WDPCP: variants seen among roughly 807,000 people sequenced by gnomAD.
The protein encoded by WDPCP is WD repeat-containing and planar cell polarity effector protein fritz homolog.
In WDPCP, 71 loss-of-function variants were observed where a neutral mutation model predicts 93.1. The ratio of observed to expected loss-of-function variants is 0.76; its 90% confidence interval spans 0.63 to 0.93. The LOEUF is 0.93. Ranked by LOEUF, WDPCP falls within the 40% of genes least tolerant of loss-of-function variation. The probability of loss-of-function intolerance (pLI) is 0.00; values close to 1 mark genes in which losing one functional copy is unlikely to be tolerated. For synonymous variants in WDPCP, 315 were observed against 315.0 expected (o/e 1.00, Z 0.00); for missense variants, 844 against 887.4 (o/e 0.95, Z 0.62).
At position 63,487,489 on chromosome 2, in the gene WDPCP, C is replaced by G. The variant is rs375016562; in HGVS notation, c.166G>C (p.Asp56His). Residue 56 changes from aspartate to histidine, a missense_variant, in exon 3 of 18, where the codon GAC becomes CAC. Transcript: ENST00000272321. Reference protein sequence around the residue: ...LKNTLHIADRDIGIYQYYDKK... With the variant: ...LKNTLHIADRHIGIYQYYDKK... ...TCATAATACTGGTAGATCCCAATGT[C>G]TCTATCTATAGAAAGGAAGAAATAA... 1.9e-5 allele frequency: 31 copies of G among 1,593,010 alleles called. No homozygotes were observed. The highest frequency in any genetic ancestry group is 2.7e-5 in the Non-Finnish European group (31 of 1,162,258).
chr2:63,370,698 A>C (rs1252815547), intron 12 of WDPCP, among the ~76,000 whole-genome samples: 1 of 152,164 alleles, frequency 6.6e-6, no homozygotes, highest in Non-Finnish European at 1.5e-5. Flanking sequence ...GTATAGGACT[A>C]TTTAAATCTT....
chr2:63,752,669 A>G, intron 2 of WDPCP: 1 of 427,346 alleles, frequency 2.3e-6, no homozygotes, highest in Non-Finnish European at 4.2e-6. Flanking sequence ...CTTCCTTGGT[A>G]GCGACCACAG....
chr2:63,574,093 G>A (rs1346956909), intron 1 of WDPCP, among the ~76,000 whole-genome samples: 1 of 152,158 alleles, frequency 6.6e-6, no homozygotes, highest in Non-Finnish European at 1.5e-5. Flanking sequence ...CTGGTCCTGT[G>A]ATCTTACCCT....
intron 13 of WDPCP, among the ~76,000 whole-genome samples, chr2:63,306,825 C>G (rs1167141821): frequency 2.0e-5 from 3 of 152,150 alleles, no homozygotes; most frequent in African/African-American, 7.2e-5. Flanking sequence ...CCTTTGAAAA[C>G]CAGCACAAGA....
intron 2 of WDPCP, among the ~76,000 whole-genome samples, chr2:63,660,759 G>A (rs1710217616): frequency 6.6e-6 from 1 of 152,202 alleles, no homozygotes; most frequent in East Asian, 1.9e-4. Flanking sequence ...CAGGGACACA[G>A]AAGTATGGTT....
At position 63,778,644 on chromosome 2, in the gene WDPCP, A is replaced by G. The variant is rs377238023; in HGVS notation, n.308+34978T>C. 1.6e-4 allele frequency among the ~76,000 whole-genome samples: 25 copies of G among 152,202 alleles called. No homozygotes were observed. In the East Asian group the frequency reaches 2.5e-3, roughly 15 times the overall value. On this transcript the variant is annotated intron_variant and non_coding_transcript_variant, in intron 2 of 4. Coordinates refer to the WDPCP transcript ENST00000467687. ...TCCTGTTATGGTTTGCATAAACACT[A>G]TTTTCAAACTTACAACACACTGATT... is the stretch of plus-strand genomic sequence containing the variant.
intron 2 of WDPCP, among the ~76,000 whole-genome samples, chr2:63,708,349 G>A (rs970777412): frequency 2.0e-5 from 3 of 152,136 alleles, no homozygotes; most frequent in Admixed American, 6.5e-5. Flanking sequence ...CCCCAGCCTC[G>A]CTGCTGCCTT....
intron 3 of WDPCP, chr2:63,605,209 G>A (rs919255420): frequency 2.6e-5 from 26 of 1,010,284 alleles, no homozygotes; most frequent in Middle Eastern, 2.0e-4. Flanking sequence ...CCCCAAGGTC[G>A]ACTTGGAATT....
intron 2 of WDPCP, chr2:63,752,085 T>C (rs1669890888): frequency 8.3e-6 from 5 of 603,914 alleles, no homozygotes; most frequent in South Asian, 8.1e-5. Flanking sequence ...CCACCTCTTG[T>C]TTTGGCAGGG....
At chr2:63,641,063 A>T (rs1575736578) in intron 3 of WDPCP, among the ~76,000 whole-genome samples, 1 of 152,316 alleles carries the variant, frequency 6.6e-6, no homozygotes, top group East Asian at 1.9e-4. Flanking sequence ...AAATGAGAAC[A>T]TGGGATGGTT....
intron 9 of WDPCP, among the ~76,000 whole-genome samples, chr2:63,420,361 T>TTAAAAAAAAA (rs1368696608): frequency 3.3e-4 from 40 of 120,532 alleles, no homozygotes; most frequent in Non-Finnish European, 5.0e-4. Context: ...CATCTTTACT[T>TTAAAAAAAAA]AAAAAAAAAA....
chr2:63,207,439 C>G (rs1303894411), intron 14 of WDPCP, among the ~76,000 whole-genome samples: 1 of 152,188 alleles, frequency 6.6e-6, no homozygotes, highest in Non-Finnish European at 1.5e-5. Flanking sequence ...TCCTGTACAG[C>G]CTGCGGAACT....
At chr2:63,220,823 T>C (rs1256552695) in intron 14 of WDPCP, among the ~76,000 whole-genome samples, 1 of 152,188 alleles carries the variant, frequency 6.6e-6, no homozygotes, top group Non-Finnish European at 1.5e-5. Context: ...AAGCCCTGCA[T>C]GCATTAGCTA....
chr2:63,511,104 T>G (rs940657810), intron 1 of WDPCP, among the ~76,000 whole-genome samples: 1 of 152,092 alleles, frequency 6.6e-6, no homozygotes, highest in African/African-American at 2.4e-5. Context: ...TATGCAACAG[T>G]AATAGACAAA....
chr2:63,670,891 GTAGGAAAAAAT>G (rs1328874411), intron 2 of WDPCP, among the ~76,000 whole-genome samples: 1 of 152,154 alleles, frequency 6.6e-6, no homozygotes, highest in Non-Finnish European at 1.5e-5. Flanking sequence ...GGAAAAAAAA[GTAGGAAAAAAT>G]TAGGGAAAAG....
At chr2:63,738,670 A>ATGTGAGGCTAT in intron 2 of WDPCP, among the ~76,000 whole-genome samples, 1 of 152,230 alleles carries the variant, frequency 6.6e-6, no homozygotes, top group Non-Finnish European at 1.5e-5. Flanking sequence ...CTATAGGCAT[A>ATGTGAGGCTAT]GTAATATGTG....
intron 14 of WDPCP, among the ~76,000 whole-genome samples, chr2:63,182,793 T>C (rs1299027635): frequency 4.6e-5 from 7 of 150,594 alleles, no homozygotes; most frequent in Non-Finnish European, 7.4e-5. Flanking sequence ...TTTTTTTTTT[T>C]CCTTAGGAGA....
intron 12 of WDPCP, among the ~76,000 whole-genome samples, chr2:63,332,104 G>A (rs1014304596): frequency 3.3e-5 from 5 of 149,776 alleles, no homozygotes; most frequent in Admixed American, 6.7e-5. Flanking sequence ...GTGTGTGTGT[G>A]TGTATATATA....
chr2:63,647,018 C>G (rs369432092), intron 3 of WDPCP, among the ~76,000 whole-genome samples: 1 of 152,082 alleles, frequency 6.6e-6, no homozygotes, highest in African/African-American at 2.4e-5. Flanking sequence ...TCCTCTACAC[C>G]CTCTTTAAGG....
Sources: gnomAD v4.1 joint callset for allele counts (sites outside exome capture counted in the v4.1 genomes callset) on GRCh38, gnomAD v4.1.1 for gene constraint, MANE v1.5 for transcripts, NCBI Gene and HGNC (gene_info 2026-07-23, HGNC 2026-07-21) for gene names.